TRPS1: variants seen among roughly 807,000 people sequenced by gnomAD.
TRPS1 encodes the protein zinc finger transcription factor Trps1.
In TRPS1, 6 loss-of-function variants were observed where a neutral mutation model predicts 101.2. The ratio of observed to expected loss-of-function variants is 0.06; its 90% CI spans 0.03 to 0.12. The LOEUF is 0.12. TRPS1 is among the 10% of genes least tolerant of loss of function. TRPS1 has a pLI of 1.00. For missense variants in TRPS1, 1,363 were observed against 1,567.0 expected (o/e 0.87, Z 2.20); for synonymous variants, 578 against 589.8 (o/e 0.98, Z 0.29).
chr8:115,531,150 G>A (rs1274006203), intron 5 of TRPS1, among the ~76,000 whole-genome samples: 1 of 152,066 alleles, frequency 6.6e-6, no homozygotes, highest in Non-Finnish European at 1.5e-5. Context: ...AAGAACTTTT[G>A]ATTTGTTAAT....
chr8:115,503,500 G>T (rs1815370153), intron 5 of TRPS1, among the ~76,000 whole-genome samples: 1 of 152,046 alleles, frequency 6.6e-6, no homozygotes, highest in Non-Finnish European at 1.5e-5. Context: ...AAATTACAAT[G>T]AAAGAAATTT....
intron 3 of TRPS1, among the ~76,000 whole-genome samples, chr8:115,610,978 G>A (rs946347072): frequency 6.6e-6 from 1 of 151,996 alleles, no homozygotes; most frequent in Non-Finnish European, 1.5e-5. Context: ...TTAGCCAGAT[G>A]TGGTGGCAGG....
intron 1 of TRPS1, chr8:115,637,420 G>T: frequency 1.7e-6 from 1 of 571,758 alleles, no homozygotes; most frequent in Non-Finnish European, 2.2e-6. Context: ...AAAAGTGATG[G>T]GTTTCAAAAC....
intron 5 of TRPS1, among the ~76,000 whole-genome samples, chr8:115,419,393 AAGAC>A (rs1254540450): frequency 1.3e-5 from 2 of 152,218 alleles, no homozygotes; most frequent in African/African-American, 4.8e-5. Context: ...AAGAAAAAAA[AAGAC>A]AGCCTGAATT....
intron 5 of TRPS1, among the ~76,000 whole-genome samples, chr8:115,500,364 G>A (rs894189335): frequency 3.3e-5 from 5 of 151,948 alleles, no homozygotes; most frequent in South Asian, 2.1e-4. Flanking sequence ...AGGGTCATTC[G>A]TATGTCGTTA....
chr8:115,528,325 C>T (rs548735905), intron 5 of TRPS1, among the ~76,000 whole-genome samples: 2 of 152,122 alleles, frequency 1.3e-5, no homozygotes, highest in Non-Finnish European at 2.9e-5. Flanking sequence ...ATATACTGAG[C>T]ACTTAAGAGT....
At chr8:115,634,361 T>C (rs1818719377) in intron 1 of TRPS1, among the ~76,000 whole-genome samples, 1 of 152,186 alleles carries the variant, frequency 6.6e-6, no homozygotes. Context: ...TTACATGTTT[T>C]ACTGCTCTCT....
intron 5 of TRPS1, among the ~76,000 whole-genome samples, chr8:115,436,171 A>G (rs1387838369): frequency 6.6e-6 from 1 of 152,146 alleles, no homozygotes; most frequent in Non-Finnish European, 1.5e-5. Context: ...TTGTATGACT[A>G]TGAAGGAAAT....
At chr8:115,436,195 C>T (rs1813449153) in intron 5 of TRPS1, among the ~76,000 whole-genome samples, 1 of 152,054 alleles carries the variant, frequency 6.6e-6, no homozygotes, top group South Asian at 2.1e-4. Flanking sequence ...CTGACTCATG[C>T]AACTGAAAAT....
intron 5 of TRPS1, among the ~76,000 whole-genome samples, chr8:115,513,074 T>C (rs1478373126): frequency 1.3e-5 from 2 of 151,748 alleles, no homozygotes; most frequent in Admixed American, 6.6e-5. Context: ...AAAGATTGTT[T>C]CAGTTTGCCT....
chr8:115,485,254 C>T (rs1309780855), intron 5 of TRPS1, among the ~76,000 whole-genome samples: 3 of 152,202 alleles, frequency 2.0e-5, no homozygotes, highest in Non-Finnish European at 2.9e-5. Context: ...CTCCGGCCAA[C>T]AGCTACAAGG....
intron 1 of TRPS1, chr8:115,667,731 G>T: frequency 8.9e-7 from 1 of 1,122,026 alleles, no homozygotes; most frequent in Non-Finnish European, 1.2e-6. Context: ...GCCCAGCTGG[G>T]CCTTTAAGGG....
At chr8:115,610,384 G>A (rs1818135355) in intron 3 of TRPS1, among the ~76,000 whole-genome samples, 1 of 152,174 alleles carries the variant, frequency 6.6e-6, no homozygotes, top group Admixed American at 6.5e-5. Flanking sequence ...TGCATGTATA[G>A]TGCTTCAAAA....
intron 5 of TRPS1, among the ~76,000 whole-genome samples, chr8:115,476,005 CTTTTTTTTTTTTTTTTTT>C (rs1169514340): frequency 2.5e-5 from 1 of 40,712 alleles, no homozygotes; most frequent in Admixed American, 2.5e-4. Context: ...AATATACTTT[CTTTTTTTTTTTTTTTTTT>C]TTTTTTTTTT....
At chr8:115,655,407 A>G (rs2737265) in intron 1 of TRPS1, among the ~76,000 whole-genome samples, 37,110 of 152,046 alleles carry the variant, frequency 0.24, 4,931 homozygotes, top group Admixed American at 0.3. Context: ...CTTTGGCACA[A>G]TGTGTCCAAA....
intron 3 of TRPS1, among the ~76,000 whole-genome samples, chr8:115,616,885 C>G (rs542850922): frequency 9.3e-4 from 141 of 152,206 alleles, no homozygotes; most frequent in African/African-American, 3.3e-3. Context: ...GTAACATAAA[C>G]TTGTTGGTAT....
intron 5 of TRPS1, among the ~76,000 whole-genome samples, chr8:115,457,023 C>T (rs770385237): frequency 6.6e-6 from 1 of 152,086 alleles, no homozygotes; most frequent in Non-Finnish European, 1.5e-5. Context: ...ACAAATTAGA[C>T]AACATTTTTT....
At chr8:115,476,005 CTTTTTTT>C (rs1169514340) in intron 5 of TRPS1, among the ~76,000 whole-genome samples, 14 of 40,662 alleles carry the variant, frequency 3.4e-4, no homozygotes, top group East Asian at 1.2e-3. Flanking sequence ...AATATACTTT[CTTTTTTT>C]TTTTTTTTTT....
intron 5 of TRPS1, among the ~76,000 whole-genome samples, chr8:115,525,862 C>T (rs958018339): frequency 6.6e-6 from 1 of 152,088 alleles, no homozygotes; most frequent in Non-Finnish European, 1.5e-5. Context: ...GAAATCTATA[C>T]AGGATTTCAC....
Sources: gnomAD v4.1 joint callset for allele counts (sites outside exome capture counted in the v4.1 genomes callset) on GRCh38, gnomAD v4.1.1 for gene constraint, MANE v1.5 for transcripts, NCBI Gene and HGNC (gene_info 2026-07-23, HGNC 2026-07-21) for gene names.